CPNE4: variants seen among roughly 807,000 people sequenced by gnomAD.
CPNE4 encodes the protein copine 4, also known as copine-4.
CPNE4 carries 25 observed loss-of-function variants against 67.9 expected under a neutral mutation model. That is an observed-to-expected ratio of 0.37 (90% CI 0.27 to 0.51). CPNE4 has a LOEUF of 0.51. Among genes scored for constraint, CPNE4 ranks in the 20% least tolerant of loss-of-function variants. The pLI is 0.93. For missense variants in CPNE4, 464 were observed against 690.8 expected, an observed-to-expected ratio of 0.67 and a Z score of 3.68; for synonymous variants, 242 against 244.9, an observed-to-expected ratio of 0.99 and a Z score of 0.11.
chr3:131,945,142 C>A (rs555467116), intron 1 of CPNE4, among the ~76,000 whole-genome samples: 2 of 152,086 alleles, frequency 1.3e-5, no homozygotes, highest in Non-Finnish European at 2.9e-5. Context: ...TATGTGTTAA[C>A]AGAAAAAGAA....
intron 15 of CPNE4, among the ~76,000 whole-genome samples, chr3:131,539,573 G>A (rs1935361140): frequency 6.6e-6 from 1 of 152,224 alleles, no homozygotes; most frequent in South Asian, 2.1e-4. Flanking sequence ...CTAGTGACTA[G>A]CATGTGCCTT....
intron 2 of CPNE4, among the ~76,000 whole-genome samples, chr3:131,739,423 T>C (rs761368124): frequency 3.9e-5 from 6 of 152,198 alleles, no homozygotes; most frequent in Non-Finnish European, 8.8e-5. Context: ...TCCTGACCCA[T>C]GCTGCTGCTT....
chr3:131,859,076 T>C (rs1160845994), intron 2 of CPNE4, among the ~76,000 whole-genome samples: 1 of 152,164 alleles, frequency 6.6e-6, no homozygotes, highest in African/African-American at 2.4e-5. Context: ...TTATTATATT[T>C]TTCTTAACTT....
intron 10 of CPNE4, among the ~76,000 whole-genome samples, chr3:131,567,966 T>C (rs1937141224): frequency 6.6e-6 from 1 of 152,020 alleles, no homozygotes; most frequent in Non-Finnish European, 1.5e-5. Flanking sequence ...ACTTTTCCCA[T>C]GGCAATGGCC....
intron 2 of CPNE4, among the ~76,000 whole-genome samples, chr3:131,856,913 G>A (rs1245534014): frequency 3.9e-5 from 6 of 151,996 alleles, no homozygotes; most frequent in African/African-American, 1.4e-4. Flanking sequence ...CCATCAGGTT[G>A]TTGAGCTTGT....
At chr3:131,968,258 G>A (rs567318566) in intron 1 of CPNE4, among the ~76,000 whole-genome samples, 24 of 152,204 alleles carry the variant, frequency 1.6e-4, no homozygotes, top group African/African-American at 5.5e-4. Context: ...AAAAACCCTA[G>A]AAGATATCCT....
At chr3:131,564,375 G>A (rs914689724) in intron 10 of CPNE4, 26 bp from the exon 11 acceptor site, 2 of 1,601,638 alleles carry the variant, frequency 1.2e-6, no homozygotes, top group East Asian at 4.5e-5. Flanking sequence ...ACAAGAAAAG[G>A]TAAATTTAAA....
At chr3:131,603,204 T>C (rs1939305354) in intron 7 of CPNE4, among the ~76,000 whole-genome samples, 1 of 152,110 alleles carries the variant, frequency 6.6e-6, no homozygotes, top group Non-Finnish European at 1.5e-5. Flanking sequence ...CACACTGTGT[T>C]GGGAAATGAT....
At chr3:131,604,891 T>C (rs763799672) in intron 7 of CPNE4, among the ~76,000 whole-genome samples, 3 of 152,158 alleles carry the variant, frequency 2.0e-5, no homozygotes, top group Non-Finnish European at 2.9e-5. Context: ...AATTTTCTTG[T>C]AAAGTACCCT....
chr3:131,674,772 TATTG>T (rs545113953), intron 6 of CPNE4, among the ~76,000 whole-genome samples: 1 of 152,014 alleles, frequency 6.6e-6, no homozygotes, highest in African/African-American at 2.4e-5. Flanking sequence ...CTTTTTGTTT[TATTG>T]ATTTTTTTAT....
intron 2 of CPNE4, among the ~76,000 whole-genome samples, chr3:131,759,770 G>T (rs1023005392): frequency 1.3e-5 from 2 of 152,150 alleles, no homozygotes; most frequent in Non-Finnish European, 2.9e-5. Context: ...CCTATCTGCA[G>T]AGAAGTTCTT....
chr3:131,752,561 C>A (rs968897455), intron 2 of CPNE4, among the ~76,000 whole-genome samples: 3 of 152,130 alleles, frequency 2.0e-5, no homozygotes, highest in Admixed American at 2.0e-4. Context: ...CAGTCTGCAT[C>A]CTTCTTTCCA....
At chr3:131,786,038 G>A (rs939244535) in intron 2 of CPNE4, among the ~76,000 whole-genome samples, 2 of 151,890 alleles carry the variant, frequency 1.3e-5, no homozygotes, top group Non-Finnish European at 2.9e-5. Context: ...GGGCTTAACC[G>A]CAAGGCCCAA....
chr3:131,828,133 A>C (rs1255918049), intron 2 of CPNE4, among the ~76,000 whole-genome samples: 1 of 152,176 alleles, frequency 6.6e-6, no homozygotes, highest in Non-Finnish European at 1.5e-5. Context: ...TATTTAATGT[A>C]ATTTTCTGAT....
intron 1 of CPNE4, among the ~76,000 whole-genome samples, chr3:132,031,721 C>G (rs1377809484): frequency 6.6e-6 from 1 of 152,140 alleles, no homozygotes; most frequent in Non-Finnish European, 1.5e-5. Context: ...CAGAAGAAGG[C>G]ATAGTGCAAA....
At chr3:132,026,864 A>G (rs1390894339) in intron 1 of CPNE4, among the ~76,000 whole-genome samples, 1 of 90,456 alleles carries the variant, frequency 1.1e-5, no homozygotes, top group Non-Finnish European at 2.6e-5. Flanking sequence ...CTCCATTTTT[A>G]CAAATGAGGA....
At chr3:131,863,773 C>T (rs1476366785) in intron 2 of CPNE4, among the ~76,000 whole-genome samples, 3 of 152,188 alleles carry the variant, frequency 2.0e-5, no homozygotes, top group Non-Finnish European at 2.9e-5. Flanking sequence ...GACATGAAGT[C>T]CTTGCCCATG....
intron 1 of CPNE4, among the ~76,000 whole-genome samples, chr3:131,934,001 T>C (rs1220218228): frequency 2.0e-5 from 3 of 152,052 alleles, no homozygotes; most frequent in Non-Finnish European, 4.4e-5. Flanking sequence ...GAATAGAACA[T>C]GAGAGAGATG....
At chr3:131,939,450 AG>A (rs1261543663) in intron 1 of CPNE4, among the ~76,000 whole-genome samples, 1 of 152,198 alleles carries the variant, frequency 6.6e-6, no homozygotes, top group African/African-American at 2.4e-5. Flanking sequence ...ACACTTATGA[AG>A]AAAAGGAGAA....
Sources: gnomAD v4.1 joint callset for allele counts (sites outside exome capture counted in the v4.1 genomes callset) on GRCh38, gnomAD v4.1.1 for gene constraint, MANE v1.5 for transcripts, NCBI Gene and HGNC (gene_info 2026-07-23, HGNC 2026-07-21) for gene names.